Variants in DIRAS2 observed in about 807,000 individuals in gnomAD.
The protein encoded by DIRAS2 is DIRAS family GTPase 2, also known as GTP-binding protein Di-Ras2.
In DIRAS2, 5 loss-of-function variants were observed where a neutral mutation model predicts 13.9. That is an observed-to-expected ratio of 0.36 (90% confidence interval 0.19 to 0.76). The LOEUF is 0.76. DIRAS2 is among the 30% of genes least tolerant of loss of function. DIRAS2 has a pLI of 0.53. For synonymous variants in DIRAS2, 111 were observed against 105.4 expected (o/e 1.05, Z -0.33); for missense variants, 191 against 263.0 (o/e 0.73, Z 1.89).
intron 1 of DIRAS2, among the ~76,000 whole-genome samples, chr9:90,625,145 C>T (rs1459246121): frequency 6.6e-5 from 10 of 152,138 alleles, no homozygotes; most frequent in African/African-American, 2.2e-4. Context: ...CTGGAGCACA[C>T]GAATCTGCAT....
intron 1 of DIRAS2, among the ~76,000 whole-genome samples, chr9:90,639,172 T>C (rs750183074): frequency 6.6e-6 from 1 of 152,206 alleles, no homozygotes; most frequent in Non-Finnish European, 1.5e-5. Context: ...AACCATGTGA[T>C]GGAAATTGTA....
At chr9:90,615,319 A>T (rs566472259) in intron 1 of DIRAS2, among the ~76,000 whole-genome samples, 1 of 152,214 alleles carries the variant, frequency 6.6e-6, no homozygotes, top group East Asian at 1.9e-4. Context: ...TTCAATACTC[A>T]GCTGTTCTTG....
At position 90,612,165 on chromosome 9, in the gene DIRAS2, T is replaced by A. The variant is rs564774771; in HGVS notation, c.*1063A>T. The A allele has an allele frequency of 6.6e-6, 1 of 152,628 alleles. No homozygotes were observed. Among genetic ancestry groups the A allele is most frequent in the Non-Finnish European group, 1.5e-5 (1 of 68,054 alleles). The allele number at this position is 152,628 out of a possible 1,614,324, so 9.5% of individuals were successfully genotyped here. On this transcript the variant is annotated 3_prime_UTR_variant, in exon 2 of 2. Transcript: ENST00000375765. ...GGAACATATTTCCAATACAGATAGATCATCAAAAACACAGTGAATAACTTC... is the reference window on the plus strand; with the variant it reads ...GGAACATATTTCCAATACAGATAGAACATCAAAAACACAGTGAATAACTTC...
At chr9:90,635,324 A>G (rs72757629) in intron 1 of DIRAS2, among the ~76,000 whole-genome samples, 4,913 of 152,352 alleles carry the variant, frequency 0.032, 128 homozygotes, top group South Asian at 0.12. Flanking sequence ...ACTCAAACCA[A>G]CCCAAATTAG....
chr9:90,629,737 CT>C (rs1183976768), intron 1 of DIRAS2, among the ~76,000 whole-genome samples: 1 of 152,190 alleles, frequency 6.6e-6, no homozygotes. Flanking sequence ...CCTAATACAA[CT>C]TAAATGCTAT....
intron 1 of DIRAS2, among the ~76,000 whole-genome samples, chr9:90,639,000 G>A (rs964726834): frequency 6.6e-6 from 1 of 152,150 alleles, no homozygotes; most frequent in Non-Finnish European, 1.5e-5. Flanking sequence ...GCGTGTGTGT[G>A]TTTATTATGA....
rs1825213666 is a variant in DIRAS2, at chr9:90,620,852, T to C, written c.-36-6989A>G. ...TGCTGGGTGCTGGAAATATTACATA[T>C]CTTGATGTGGGTGGTGGTTACACAG... On this transcript the variant is annotated intron_variant, in intron 1 of 1. Coordinates refer to ENST00000375765, the MANE Select transcript of DIRAS2 (RefSeq NM_017594.5). Among the ~76,000 whole-genome samples the C allele has an allele frequency of 2.0e-5, 3 of 152,186 alleles. No homozygotes were observed. The South Asian group carries it at 6.2e-4, about 32-fold the overall frequency.
At chr9:90,627,067 G>A (rs1184755903) in intron 1 of DIRAS2, among the ~76,000 whole-genome samples, 1 of 152,082 alleles carries the variant, frequency 6.6e-6, no homozygotes, top group Non-Finnish European at 1.5e-5. Flanking sequence ...GCGAGATCTG[G>A]TCATTTAAAA....
chr9:90,638,435 C>T (rs1403966168), intron 1 of DIRAS2, among the ~76,000 whole-genome samples: 1 of 152,168 alleles, frequency 6.6e-6, no homozygotes, highest in African/African-American at 2.4e-5. Context: ...TTTACACAGA[C>T]CTTACTCAAA....
In DIRAS2 at chr9:90,637,319, C is replaced by A. The variant is rs138452921; in HGVS notation, c.-37+5433G>T. Among the ~76,000 whole-genome samples, 996 of 152,288 alleles carry A rather than the reference C, an allele frequency of 6.5e-3. 16 individuals are homozygous for A. The highest frequency in any genetic ancestry group is 0.023 in the African/African-American group (963 of 41,548). On this transcript the variant is annotated intron_variant, in intron 1 of 1. Transcript: ENST00000375765. ...TGAGGGATAAGCTATCATTTATTAA[C>A]CACTTTCTTGCTATTTTCAGTCTTT...
At chr9:90,638,278 G>A (rs1371745315) in intron 1 of DIRAS2, among the ~76,000 whole-genome samples, 1 of 152,110 alleles carries the variant, frequency 6.6e-6, no homozygotes, top group Non-Finnish European at 1.5e-5. Flanking sequence ...GAGGCACAAA[G>A]CATTATATGT....
intron 1 of DIRAS2, chr9:90,626,234 C>T (rs1406265314): frequency 4.7e-5 from 7 of 148,452 alleles, no homozygotes; most frequent in Admixed American, 6.7e-5. Flanking sequence ...AAACATATAT[C>T]TGAAAAGGAT....
chr9:90,638,940 CTCCTTTG>C (rs1158360801), intron 1 of DIRAS2, among the ~76,000 whole-genome samples: 1 of 152,098 alleles, frequency 6.6e-6, no homozygotes, highest in Non-Finnish European at 1.5e-5. Flanking sequence ...CCTTCAAAGG[CTCCTTTG>C]TCTGAGCTCT....
chr9:90,636,939 G>A lies in DIRAS2; in HGVS notation c.-37+5813C>T, dbSNP rs148971041. ...TAGCTTAGCCTTGCCTACCTTAAAC[G>A]TGCACAGAACACCTTCATTAGCCTA... On this transcript the variant is annotated intron_variant, in intron 1 of 1. Coordinates refer to ENST00000375765, the MANE Select transcript of DIRAS2 (RefSeq NM_017594.5). Among the ~76,000 whole-genome samples the A allele has an allele frequency of 1.1e-3, 160 of 152,218 alleles. 2 individuals are homozygous for A. In the East Asian group the frequency reaches 0.027, roughly 25 times the overall value.
At chr9:90,633,822 G>A (rs182941982) in intron 1 of DIRAS2, among the ~76,000 whole-genome samples, 46 of 152,326 alleles carry the variant, frequency 3.0e-4, no homozygotes, top group Admixed American at 1.2e-3. Flanking sequence ...CCACAGGGTA[G>A]AAGAAGATTG....
Position 90,613,174 on chromosome 9 carries a change from T to C in DIRAS2, c.*54A>G, listed in dbSNP as rs1825131985. 2 of 1,569,356 alleles carry C rather than the reference T, an allele frequency of 1.3e-6. No homozygotes were observed. Among genetic ancestry groups the C allele is most frequent in the African/African-American group, 1.4e-5 (1 of 73,680 alleles). ...TACCCTGACGACGGTGGGTGTCATT[T>C]TGGGGGAGTGAGGTGCCGGGGACAC... On this transcript the variant is annotated 3_prime_UTR_variant, in exon 2 of 2. Transcript: ENST00000375765. The surrounding 1 kb of genome is among the most constrained non-coding windows in gnomAD (Gnocchi z 5.6).
intron 1 of DIRAS2, among the ~76,000 whole-genome samples, chr9:90,636,027 C>CTTT (rs1172661795): frequency 0.1 from 6,697 of 66,196 alleles, 1,546 homozygotes; most frequent in East Asian, 0.13. Context: ...ACTGAATATT[C>CTTT]TTTTTTTTTT....
In DIRAS2 at chr9:90,610,133, C is replaced by T. The variant is rs966405943; in HGVS notation, c.*3095G>A. 1.0e-5 allele frequency: 3 copies of T among 290,500 alleles called. No individual in the cohort carries two copies. In the South Asian group the frequency reaches 4.9e-4, roughly 47 times the overall value. The allele number at this position is 290,500 out of a possible 1,614,324, so 18.0% of individuals were successfully genotyped here. Reference sequence around the variant, plus strand: ...ATTAGTTGTAGATATTTCCAGAGAACTTATGTAGAAGCAACACATTACAAA... The same window carrying T: ...ATTAGTTGTAGATATTTCCAGAGAATTTATGTAGAAGCAACACATTACAAA... On this transcript the variant is annotated 3_prime_UTR_variant, in exon 2 of 2. Transcript: ENST00000375765.
chr9:90,639,962 T>C (rs993942862), intron 1 of DIRAS2, among the ~76,000 whole-genome samples: 8 of 152,204 alleles, frequency 5.3e-5, no homozygotes, highest in Non-Finnish European at 1.2e-4. Flanking sequence ...TGCTGGACAA[T>C]ACAGTAGCCA....
Sources: allele counts gnomAD v4.1 joint callset (sites outside exome capture counted in the v4.1 genomes callset), GRCh38; gene constraint gnomAD v4.1.1; non-coding constraint Gnocchi (gnomAD v3.1); transcripts MANE v1.5; gene names NCBI Gene and HGNC (gene_info 2026-07-23, HGNC 2026-07-21).